The following CSRP1 variants were observed in gnomAD, a reference collection of about 807,000 sequenced individuals.
CSRP1 encodes the protein cysteine and glycine rich protein 1.
CSRP1 carries 16 observed loss-of-function variants against 25.4 expected under a neutral mutation model. The observed-to-expected ratio is 0.63, with a 90% confidence interval of 0.43 to 0.96. The LOEUF is 0.96. CSRP1 is among the 40% of genes least tolerant of loss of function. The pLI is 0.00. For missense variants in CSRP1, 212 were observed against 243.6 expected, an observed-to-expected ratio of 0.87 and a Z score of 0.86; for synonymous variants, 97 against 95.3, an observed-to-expected ratio of 1.02 and a Z score of -0.10.
intron 2 of CSRP1, among the ~76,000 whole-genome samples, chr1:201,495,001 A>G (rs55888363): frequency 0.027 from 4,124 of 152,356 alleles, 192 homozygotes; most frequent in African/African-American, 0.094. Flanking sequence ...AAACTCAACC[A>G]GAGAGAAACT....
chr1:201,497,242 C>T (rs1355353351), intron 1 of CSRP1, among the ~76,000 whole-genome samples: 1 of 150,758 alleles, frequency 6.6e-6, no homozygotes, highest in East Asian at 2.0e-4. Context: ...CCCTGTAATC[C>T]TAGCTACTCT....
chr1:201,498,419 A>C (rs1283211553), intron 1 of CSRP1, among the ~76,000 whole-genome samples: 1 of 152,212 alleles, frequency 6.6e-6, no homozygotes, highest in East Asian at 1.9e-4. Context: ...TGGGAGTCAG[A>C]GGGATCTGTT....
At chr1:201,486,645 G>A in intron 4 of CSRP1, 2 of 1,036,736 alleles carry the variant, frequency 1.9e-6, no homozygotes, top group Non-Finnish European at 2.3e-6. Context: ...ATCACACCTA[G>A]ACCAACACCT....
intron 1 of CSRP1, among the ~76,000 whole-genome samples, chr1:201,503,389 C>A (rs1664721979): frequency 6.6e-6 from 1 of 152,134 alleles, no homozygotes; most frequent in Non-Finnish European, 1.5e-5. Context: ...AGCACTTAGG[C>A]CTTAAAAACA....
chr1:201,497,035 G>GT (rs1173925216), intron 1 of CSRP1, among the ~76,000 whole-genome samples: 11 of 151,958 alleles, frequency 7.2e-5, no homozygotes, highest in Admixed American at 4.6e-4. Context: ...CAAGAAAAAA[G>GT]TTTTTTTTGT....
chr1:201,505,333 C>T (rs1440850875), intron 1 of CSRP1, among the ~76,000 whole-genome samples: 1 of 152,206 alleles, frequency 6.6e-6, no homozygotes, highest in African/African-American at 2.4e-5. Flanking sequence ...AGTCAGGACT[C>T]ACTAGCTCCA....
At chr1:201,500,931 A>G (rs1276910667) in intron 1 of CSRP1, among the ~76,000 whole-genome samples, 1 of 152,242 alleles carries the variant, frequency 6.6e-6, no homozygotes, top group African/African-American at 2.4e-5. Flanking sequence ...AGGCTGGGAC[A>G]AGAGAAGTTC....
intron 1 of CSRP1, among the ~76,000 whole-genome samples, chr1:201,500,923 G>T (rs987891646): frequency 1.3e-5 from 2 of 152,238 alleles, no homozygotes; most frequent in African/African-American, 2.4e-5. Flanking sequence ...CCTGCAGAAG[G>T]CTGGGACAAG....
intron 2 of CSRP1, chr1:201,495,773 C>G (rs1263092914): frequency 6.3e-6 from 1 of 158,936 alleles, no homozygotes; most frequent in African/African-American, 2.4e-5. Context: ...AGGAGCCCCA[C>G]TCTTCCTCCA....
At chr1:201,505,752 C>CT (rs1181677687) in intron 1 of CSRP1, among the ~76,000 whole-genome samples, 3 of 152,206 alleles carry the variant, frequency 2.0e-5, no homozygotes, top group African/African-American at 7.2e-5. Flanking sequence ...TGAGGACAGT[C>CT]TCTCTCAAAA....
chr1:201,487,848 C>G lies in CSRP1; in HGVS notation c.411+1007G>C, dbSNP rs1030236183. The G allele has an allele frequency of 7.9e-5, 12 of 152,226 alleles. 1 individual carries two copies. The highest frequency in any genetic ancestry group is 2.9e-4 in the African/African-American group (12 of 41,452). The allele number at this position is 152,226 out of a possible 1,614,324, so 9.4% of individuals were successfully genotyped here. A position where few individuals can be genotyped will look rare whatever the true frequency, so the allele number is the denominator to read the frequency against. On this transcript the variant is annotated intron_variant, in intron 4 of 5. Transcript: ENST00000340006. ...TCTGTACAACAGGGATACTAATCCC[C>G]ATCTCTGTCCAACCATGACTGTGAG...
intron 4 of CSRP1, chr1:201,486,521 G>A: frequency 1.0e-6 from 1 of 985,476 alleles, no homozygotes; most frequent in East Asian, 1.1e-4. Flanking sequence ...CTGAAATGGG[G>A]GGACCTGGGT....
Position 201,502,944 on chromosome 1 carries a change from G to A in CSRP1, c.-2+4126C>T, listed in dbSNP as rs1664710789. Among the ~76,000 whole-genome samples the A allele has an allele frequency of 1.3e-5, 2 of 150,690 alleles. 1 individual carries two copies. The highest frequency in any genetic ancestry group is 4.2e-4 in the South Asian group (2 of 4,740). On this transcript the variant is annotated intron_variant, in intron 1 of 5. Transcript: ENST00000340006. ...AAGGTCAGGAGTTTGAGACCAGCCT[G>A]GCCAACAGCGTGAAACCCCATCTCT...
At chr1:201,488,760 C>T in intron 4 of CSRP1, 95 bp downstream of exon 4, 1 of 1,489,720 alleles carries the variant, frequency 6.7e-7, no homozygotes, top group Non-Finnish European at 9.2e-7. Flanking sequence ...TCAGGCTGCC[C>T]TGAGCAGAGC....
intron 2 of CSRP1, 150 bp from the exon 3 acceptor site, chr1:201,490,494 G>A (rs547667519): frequency 2.2e-5 from 16 of 717,608 alleles, no homozygotes; most frequent in Non-Finnish European, 3.4e-5. Context: ...GGAGGCAGGC[G>A]GGATGGCCAA....
rs1286934337 is a variant in CSRP1 at position 201,484,634 on chromosome 1, G to A, written c.*79C>T. ...GCAGGGCTGACAGAGAAATAATCCT[G>A]GAGGTCTCCAAAGCTGCTGGGAATG... On this transcript the variant is annotated 3_prime_UTR_variant, in exon 6 of 6. Coordinates refer to ENST00000340006, the MANE Select transcript of CSRP1 (RefSeq NM_004078.3). The A allele has an allele frequency of 3.9e-6, 5 of 1,280,550 alleles. No individual in the cohort carries two copies. The African/African-American group carries it at 5.9e-5, about 15-fold the overall frequency. The allele number at this position is 1,280,550 out of a possible 1,614,324, so 79.3% of individuals were successfully genotyped here.
chr1:201,504,031 G>A (rs1312906850), intron 1 of CSRP1, among the ~76,000 whole-genome samples: 1 of 152,164 alleles, frequency 6.6e-6, no homozygotes, highest in Non-Finnish European at 1.5e-5. Context: ...TCCTTAAATA[G>A]TTTATAAGCC....
In CSRP1 at chr1:201,484,801, GGAGA is replaced by G. The variant is rs1335608386; in HGVS notation, c.506-16_506-13del. 6.2e-7 allele frequency: 1 copy of G among 1,609,254 alleles called. No individual in the cohort carries two copies. The highest frequency in any genetic ancestry group is 1.8e-4 in the Middle Eastern group (1 of 5,448). ...TTTAGCATAACATCCTGCAGAGAGA[GGAGA>G]GAGATAAGGGCATGTTCTTCCTCCA... On this transcript the variant is annotated splice_polypyrimidine_tract_variant and intron_variant, in intron 5 of 5. Coordinates refer to ENST00000340006, the MANE Select transcript of CSRP1 (RefSeq NM_004078.3).
At chr1:201,492,682 G>C (rs1664374767) in intron 2 of CSRP1, 1 of 152,236 alleles carries the variant, frequency 6.6e-6, no homozygotes, top group Admixed American at 6.5e-5. Context: ...CTCAGAAATA[G>C]AGAATGATTC....
Sources: gnomAD v4.1 joint callset for allele counts (sites outside exome capture counted in the v4.1 genomes callset) on GRCh38, gnomAD v4.1.1 for gene constraint, MANE v1.5 for transcripts, NCBI Gene and HGNC (gene_info 2026-07-23, HGNC 2026-07-21) for gene names.